SNX27: variants seen among roughly 807,000 people sequenced by gnomAD.
The protein encoded by SNX27 is sorting nexin-27.
SNX27 carries 22 observed loss-of-function variants against 71.6 expected under a neutral mutation model. That is an observed-to-expected ratio of 0.31 (90% CI 0.22 to 0.44). The LOEUF is 0.44. SNX27 is among the 20% of genes least tolerant of loss of function. The pLI is 1.00. For synonymous variants in SNX27, 269 were observed against 277.2 expected, an observed-to-expected ratio of 0.97 and a Z score of 0.29; for missense variants, 531 against 698.6, an observed-to-expected ratio of 0.76 and a Z score of 2.70.
At chr1:151,624,316 G>C (rs1667817602) in intron 1 of SNX27, among the ~76,000 whole-genome samples, 1 of 150,812 alleles carries the variant, frequency 6.6e-6, no homozygotes, top group Non-Finnish European at 1.5e-5. Context: ...AAATGGACAG[G>C]TTTGTTTTTA....
In SNX27 at chr1:151,693,483, G is replaced by A; in HGVS notation, c.1578G>A (p.Glu526=). The A allele has an allele frequency of 3.7e-6, 6 of 1,614,106 alleles. No individual in the cohort carries two copies. Among genetic ancestry groups the A allele is most frequent in the Non-Finnish European group, 5.1e-6 (6 of 1,179,980 alleles). The stretch of plus-strand genomic sequence containing the variant: ...TCTGCGAGCTCAAGTGGAGAAAAGA[G>A]GTAATTCTGAACAGTCCTTGAATTG... ...RVFCELKWRK[E]NIFQMARSQQ... Residue 526 remains glutamate, a splice_region_variant and synonymous_variant, in exon 11 of 12, where the codon GAG becomes GAA. Transcript: ENST00000458013.
intron 4 of SNX27, 155 bp downstream of exon 4, chr1:151,661,017 T>C: frequency 1.7e-6 from 1 of 579,980 alleles, no homozygotes. Context: ...TTATCTATCC[T>C]TTAAGACCTA....
intron 1 of SNX27, among the ~76,000 whole-genome samples, chr1:151,621,567 T>A (rs1667677720): frequency 1.3e-5 from 2 of 152,352 alleles, no homozygotes; most frequent in East Asian, 3.9e-4. Flanking sequence ...TCTGGAAAAG[T>A]ACAGGCAGTC....
chr1:151,690,015 A>AT (rs1671364552), intron 8 of SNX27, among the ~76,000 whole-genome samples: 1 of 152,028 alleles, frequency 6.6e-6, no homozygotes, highest in Non-Finnish European at 1.5e-5. Flanking sequence ...TGCCTGGCTA[A>AT]TTTTTGTATT....
chr1:151,636,828 C>T (rs1180507431), intron 1 of SNX27, among the ~76,000 whole-genome samples: 1 of 152,028 alleles, frequency 6.6e-6, no homozygotes, highest in Non-Finnish European at 1.5e-5. Flanking sequence ...TAGATAAAAT[C>T]TTTTGCCAGT....
chr1:151,658,960 A>G (rs1249845035), intron 3 of SNX27, among the ~76,000 whole-genome samples: 1 of 152,188 alleles, frequency 6.6e-6, no homozygotes, highest in Non-Finnish European at 1.5e-5. Flanking sequence ...CTGGGATTAC[A>G]TGGACCTTTA....
At chr1:151,648,226 T>C (rs4537558) in intron 2 of SNX27, among the ~76,000 whole-genome samples, 4 of 151,928 alleles carry the variant, frequency 2.6e-5, no homozygotes, top group Non-Finnish European at 5.9e-5. Context: ...GCTCATTTTT[T>C]GTGTTTTTGG....
intron 1 of SNX27, among the ~76,000 whole-genome samples, chr1:151,634,112 C>A (rs948138698): frequency 1.1e-4 from 16 of 151,928 alleles, no homozygotes; most frequent in African/African-American, 3.9e-4. Flanking sequence ...GGCACTTGTT[C>A]CACATCTTTG....
chr1:151,659,109 T>G (rs1056868221), intron 3 of SNX27, among the ~76,000 whole-genome samples: 3 of 152,254 alleles, frequency 2.0e-5, no homozygotes, highest in Non-Finnish European at 4.4e-5. Flanking sequence ...GGCTTACTGC[T>G]GTATCCTACA....
At chr1:151,659,472 C>G (rs1273254468) in intron 3 of SNX27, 1 of 152,428 alleles carries the variant, frequency 6.6e-6, no homozygotes, top group African/African-American at 2.4e-5. Flanking sequence ...GTCTCGAACT[C>G]CTGACCTCAG....
At chr1:151,615,573 C>G (rs1667389333) in intron 1 of SNX27, 1 of 382,676 alleles carries the variant, frequency 2.6e-6, no homozygotes, top group African/African-American at 2.2e-5. Flanking sequence ...TAAAGTTTAC[C>G]TCTGTTGTCC....
intron 11 of SNX27, chr1:151,693,921 T>C (rs1003068506): frequency 7.3e-7 from 1 of 1,360,582 alleles, no homozygotes; most frequent in Admixed American, 3.2e-5. Context: ...GCTTTACTGC[T>C]GTCTGTATGT....
intron 1 of SNX27, among the ~76,000 whole-genome samples, chr1:151,628,909 T>C (rs1233283904): frequency 2.0e-5 from 3 of 152,118 alleles, no homozygotes; most frequent in Non-Finnish European, 4.4e-5. Context: ...GTTTTGCAAA[T>C]ATTTTCTCCT....
At chr1:151,639,175 A>G (rs1379539769) in intron 2 of SNX27, 56 bp downstream of exon 2, 9 of 1,471,720 alleles carry the variant, frequency 6.1e-6, no homozygotes, top group Admixed American at 1.9e-5. Context: ...CCCTAGTCTT[A>G]TAATTATGAA....
At chr1:151,675,594 T>A (rs1395214669) in intron 7 of SNX27, among the ~76,000 whole-genome samples, 2 of 151,844 alleles carry the variant, frequency 1.3e-5, no homozygotes, top group Non-Finnish European at 2.9e-5. Context: ...CCTATGTTGC[T>A]GGGGCTGGCC....
At chr1:151,642,018 A>G (rs1668797228) in intron 2 of SNX27, among the ~76,000 whole-genome samples, 1 of 146,916 alleles carries the variant, frequency 6.8e-6, no homozygotes. Context: ...AGATATAGAT[A>G]TATATGAGAT....
rs1427537503 is a variant in SNX27 at position 151,693,481 on chromosome 1, G to T, written c.1576G>T (p.Glu526Ter). Residue 526 changes from glutamate to a stop codon, truncating the protein, a stop_gained and splice_region_variant, in exon 11 of 12, where the codon GAG becomes TAG. Transcript: ENST00000458013. LOFTEE classifies it high-confidence loss of function. ...RVFCELKWRK[E>*]NIFQMARSQQ... ...GTTCTGCGAGCTCAAGTGGAGAAAA[G>T]AGGTAATTCTGAACAGTCCTTGAAT... 1 of 1,614,050 alleles carries T rather than the reference G, an allele frequency of 6.2e-7. No homozygotes were observed. Among genetic ancestry groups the T allele is most frequent in the Non-Finnish European group, 8.5e-7 (1 of 1,180,000 alleles).
intron 2 of SNX27, among the ~76,000 whole-genome samples, chr1:151,641,598 GATATATATATATATAT>G (rs56886589): frequency 1.5e-4 from 12 of 79,014 alleles, no homozygotes; most frequent in South Asian, 5.5e-4. Context: ...TCCTTTATCA[GATATATATATATATAT>G]ATATATATAT....
intron 2 of SNX27, among the ~76,000 whole-genome samples, chr1:151,651,390 C>G (rs1400681093): frequency 6.7e-6 from 1 of 150,114 alleles, no homozygotes; most frequent in Non-Finnish European, 1.5e-5. Flanking sequence ...TGACCCCCCC[C>G]ACCTCCCTCC....
Sources: gnomAD v4.1 joint callset for allele counts (sites outside exome capture counted in the v4.1 genomes callset) on GRCh38, gnomAD v4.1.1 for gene constraint, MANE v1.5 for transcripts, NCBI Gene and HGNC (gene_info 2026-07-23, HGNC 2026-07-21) for gene names.